EFCAB11: variants seen among roughly 807,000 people sequenced by gnomAD.
EFCAB11 encodes the protein EF-hand calcium binding domain 11.
EFCAB11 carries 14 observed loss-of-function variants against 23.0 expected under a neutral mutation model. That is an observed-to-expected ratio of 0.61 (90% CI 0.40 to 0.95). The LOEUF is 0.95. Among genes scored for constraint, EFCAB11 ranks in the 40% least tolerant of loss-of-function variants. The probability of loss-of-function intolerance (pLI) is 0.00; values close to 1 mark genes in which losing one functional copy is unlikely to be tolerated. For synonymous variants in EFCAB11, 65 were observed against 66.6 expected (o/e 0.98, Z 0.11); for missense variants, 198 against 195.8 (o/e 1.01, Z -0.07).
At chr14:89,849,694 T>C (rs1354023234) in intron 5 of EFCAB11, among the ~76,000 whole-genome samples, 1 of 145,728 alleles carries the variant, frequency 6.9e-6, no homozygotes, top group African/African-American at 2.5e-5. Context: ...GGGACAAGGA[T>C]TACTGGCTGA....
chr14:89,900,035 A>G (rs1035974680), intron 5 of EFCAB11, among the ~76,000 whole-genome samples: 1 of 136,486 alleles, frequency 7.3e-6, no homozygotes, highest in African/African-American at 3.1e-5. Flanking sequence ...TGAAATTTCT[A>G]TCTATTACTC....
At chr14:89,946,801 C>A (rs903313028) in intron 3 of EFCAB11, among the ~76,000 whole-genome samples, 1 of 149,396 alleles carries the variant, frequency 6.7e-6, no homozygotes, top group Non-Finnish European at 1.5e-5. Context: ...TGGTCTTGAA[C>A]TCCTGGCATC....
intron 5 of EFCAB11, among the ~76,000 whole-genome samples, chr14:89,834,493 T>C (rs554929664): frequency 1.2e-3 from 181 of 151,788 alleles, no homozygotes; most frequent in Non-Finnish European, 2.1e-3. Context: ...CTGAGCCCCT[T>C]CTCCAGGCAA....
At chr14:89,900,315 A>G (rs544636816) in intron 5 of EFCAB11, among the ~76,000 whole-genome samples, 22 of 152,328 alleles carry the variant, frequency 1.4e-4, no homozygotes, top group African/African-American at 5.3e-4. Context: ...GAATGATTAA[A>G]AAAAAATCAG....
In EFCAB11 at chr14:89,825,780, G is replaced by A. The variant is rs72693768; in HGVS notation, c.411-28456C>T. 7.0e-3 allele frequency among the ~76,000 whole-genome samples: 1,065 copies of A among 152,274 alleles called. 5 individuals are homozygous for A. Among genetic ancestry groups the A allele is most frequent in the Non-Finnish European group, 0.011 (760 of 68,012 alleles). ...AGAGAGAAAGAGAGCGAGTGCAAGT[G>A]TGAGATGTGAAGCAAGTATGGCCAT... On this transcript the variant is annotated intron_variant, in intron 5 of 5. Coordinates refer to ENST00000316738, the MANE Select transcript of EFCAB11 (RefSeq NM_145231.4).
At chr14:89,875,030 G>A (rs1888392794) in intron 5 of EFCAB11, among the ~76,000 whole-genome samples, 2 of 152,190 alleles carry the variant, frequency 1.3e-5, no homozygotes, top group African/African-American at 2.4e-5. Flanking sequence ...ACCAGTCAGT[G>A]TAGTGCACAT....
intron 5 of EFCAB11, among the ~76,000 whole-genome samples, chr14:89,799,912 G>A (rs1387054416): frequency 2.0e-5 from 3 of 152,156 alleles, no homozygotes; most frequent in African/African-American, 7.2e-5. Flanking sequence ...GTGGCTGGGC[G>A]TGGTGGCTCA....
chr14:89,874,523 T>G (rs1017977685), intron 5 of EFCAB11, among the ~76,000 whole-genome samples: 2 of 152,228 alleles, frequency 1.3e-5, no homozygotes, highest in African/African-American at 2.4e-5. Flanking sequence ...TCCAATTTTT[T>G]TATGCTCTGC....
At chr14:89,949,388 G>C (rs1891086402) in intron 3 of EFCAB11, among the ~76,000 whole-genome samples, 1 of 152,180 alleles carries the variant, frequency 6.6e-6, no homozygotes, top group Non-Finnish European at 1.5e-5. Flanking sequence ...TTTGGAGACA[G>C]AGTTTCACTC....
In EFCAB11 at chr14:89,870,110, T is replaced by C. The variant is rs74080732; in HGVS notation, c.410+61431A>G. 2.6e-3 allele frequency among the ~76,000 whole-genome samples: 392 copies of C among 152,352 alleles called. 3 individuals are homozygous for C. Among genetic ancestry groups the C allele is most frequent in the African/African-American group, 8.6e-3 (357 of 41,580 alleles). On this transcript the variant is annotated intron_variant, in intron 5 of 5. Transcript: ENST00000316738. Reference sequence around the variant, plus strand: ...AGAGTACATAGAAGATCTTCCCAAATGTCTCAAATTCCCAGGTAATGCCCC... The same window carrying C: ...AGAGTACATAGAAGATCTTCCCAAACGTCTCAAATTCCCAGGTAATGCCCC...
At chr14:89,929,431 G>T (rs2139804908) in intron 5 of EFCAB11, among the ~76,000 whole-genome samples, 1 of 152,258 alleles carries the variant, frequency 6.6e-6, no homozygotes, top group East Asian at 1.9e-4. Context: ...CTGTCACCCA[G>T]GCTAGAGTGC....
intron 5 of EFCAB11, among the ~76,000 whole-genome samples, chr14:89,916,929 T>C (rs1303586673): frequency 2.6e-5 from 4 of 152,216 alleles, no homozygotes; most frequent in African/African-American, 7.2e-5. Flanking sequence ...TAGACATTTT[T>C]TGAGGTATGA....
chr14:89,922,873 T>C (rs1890064736), intron 5 of EFCAB11, among the ~76,000 whole-genome samples: 1 of 152,104 alleles, frequency 6.6e-6, no homozygotes, highest in African/African-American at 2.4e-5. Flanking sequence ...CAATTTCCTT[T>C]TTGGGGGTTG....
At chr14:89,892,371 T>C (rs1374255208) in intron 5 of EFCAB11, 16 of 1,608,832 alleles carry the variant, frequency 9.9e-6, no homozygotes, top group Admixed American at 1.7e-5. Flanking sequence ...TTGGGGGGTG[T>C]CCGGCTCATC....
At chr14:89,885,054 T>C (rs1313338470) in intron 5 of EFCAB11, among the ~76,000 whole-genome samples, 2 of 152,212 alleles carry the variant, frequency 1.3e-5, no homozygotes, top group African/African-American at 4.8e-5. Flanking sequence ...ACCCAGTCTA[T>C]GGTATTCTGT....
chr14:89,800,877 T>C (rs1885754581), intron 5 of EFCAB11, among the ~76,000 whole-genome samples: 1 of 151,814 alleles, frequency 6.6e-6, no homozygotes, highest in Non-Finnish European at 1.5e-5. Flanking sequence ...ACCCCATCTC[T>C]ATTAAAAAGG....
At chr14:89,881,777 C>G (rs1206584876) in intron 5 of EFCAB11, among the ~76,000 whole-genome samples, 2 of 151,904 alleles carry the variant, frequency 1.3e-5, no homozygotes, top group African/African-American at 2.4e-5. Flanking sequence ...AATTCTACTA[C>G]CAACTATACA....
intron 5 of EFCAB11, among the ~76,000 whole-genome samples, chr14:89,861,241 C>T (rs1887910451): frequency 6.6e-6 from 1 of 152,196 alleles, no homozygotes. Flanking sequence ...TGATTCCCTA[C>T]TCACCTAGGC....
At chr14:89,857,378 G>A (rs1171474205) in intron 5 of EFCAB11, among the ~76,000 whole-genome samples, 1 of 152,222 alleles carries the variant, frequency 6.6e-6, no homozygotes, top group East Asian at 1.9e-4. Flanking sequence ...GTTGGAGGAT[G>A]AAGAATTGAA....
Sources: allele counts gnomAD v4.1 joint callset (sites outside exome capture counted in the v4.1 genomes callset), GRCh38; gene constraint gnomAD v4.1.1; transcripts MANE v1.5; gene names NCBI Gene and HGNC (gene_info 2026-07-23, HGNC 2026-07-21).